MEIS2: variants seen among roughly 807,000 people sequenced by gnomAD.
The protein encoded by MEIS2 is homeobox protein Meis2.
MEIS2 carries 9 observed loss-of-function variants against 58.6 expected under a neutral mutation model. The ratio of observed to expected loss-of-function variants is 0.15; its 90% CI spans 0.09 to 0.27. MEIS2 has a LOEUF of 0.27. Among genes scored for constraint, MEIS2 ranks in the 10% least tolerant of loss-of-function variants. The pLI is 1.00. For synonymous variants in MEIS2, 221 were observed against 228.4 expected, an observed-to-expected ratio of 0.97 and a Z score of 0.29; for missense variants, 427 against 635.0, an observed-to-expected ratio of 0.67 and a Z score of 3.52.
intron 8 of MEIS2, among the ~76,000 whole-genome samples, chr15:37,024,056 C>T (rs910483802): frequency 1.3e-5 from 2 of 151,664 alleles, no homozygotes; most frequent in African/African-American, 2.4e-5. Flanking sequence ...ATTATAGGCA[C>T]CCAGCTAATT....
At chr15:37,039,271 A>G (rs1003674180) in intron 7 of MEIS2, among the ~76,000 whole-genome samples, 1 of 152,226 alleles carries the variant, frequency 6.6e-6, no homozygotes, top group African/African-American at 2.4e-5. Flanking sequence ...GTATGTATGG[A>G]ATAACTCTTC....
intron 8 of MEIS2, among the ~76,000 whole-genome samples, chr15:36,998,236 G>GTTTTTTTTT (rs5811954): frequency 1.5e-4 from 10 of 66,768 alleles, no homozygotes; most frequent in Non-Finnish European, 2.2e-4. Flanking sequence ...AAAACACAAA[G>GTTTTTTTTT]TTTTTTTTTT....
intron 8 of MEIS2, among the ~76,000 whole-genome samples, chr15:36,987,966 C>G (rs1396230011): frequency 1.3e-5 from 2 of 152,112 alleles, no homozygotes; most frequent in African/African-American, 4.8e-5. Flanking sequence ...TTTAGAAATG[C>G]TCATTCATGT....
chr15:37,061,421 A>G (rs1044379656), intron 7 of MEIS2, among the ~76,000 whole-genome samples: 5 of 152,188 alleles, frequency 3.3e-5, no homozygotes, highest in Non-Finnish European at 5.9e-5. Flanking sequence ...TAATCCATAA[A>G]ATACTATACA....
At chr15:36,965,408 A>G (rs1362212694) in intron 8 of MEIS2, among the ~76,000 whole-genome samples, 2 of 152,324 alleles carry the variant, frequency 1.3e-5, no homozygotes, top group African/African-American at 4.8e-5. Flanking sequence ...TGAATTTCTA[A>G]GGTATTTTAG....
chr15:37,096,611 G>A (rs1199400103), intron 2 of MEIS2, 181 bp from the exon 3 acceptor site: 2 of 649,892 alleles, frequency 3.1e-6, no homozygotes, highest in Non-Finnish European at 4.7e-6. Context: ...AAAGGGAAAA[G>A]GGCCTGGCCC....
intron 8 of MEIS2, among the ~76,000 whole-genome samples, chr15:36,978,322 C>T (rs1483832599): frequency 6.6e-6 from 1 of 152,170 alleles, no homozygotes; most frequent in African/African-American, 2.4e-5. Context: ...TTTACAGATG[C>T]AGAATCTGAG....
chr15:36,920,736 G>A (rs1015310830), intron 9 of MEIS2, among the ~76,000 whole-genome samples: 3 of 152,150 alleles, frequency 2.0e-5, no homozygotes, highest in African/African-American at 7.2e-5. Flanking sequence ...TATACTCTCT[G>A]AATCACCTGT....
At chr15:36,910,969 C>G (rs1007210107) in intron 9 of MEIS2, among the ~76,000 whole-genome samples, 1 of 144,584 alleles carries the variant, frequency 6.9e-6, no homozygotes, top group Non-Finnish European at 1.5e-5. Context: ...GGCTTGAGCC[C>G]GGGAGGCGGA....
intron 8 of MEIS2, among the ~76,000 whole-genome samples, chr15:36,955,425 C>G (rs2058923850): frequency 6.6e-6 from 1 of 152,116 alleles, no homozygotes; most frequent in African/African-American, 2.4e-5. Context: ...CCCATTCTTT[C>G]TCAGTGTCTC....
intron 7 of MEIS2, among the ~76,000 whole-genome samples, chr15:37,051,259 T>C (rs2062907401): frequency 6.6e-6 from 1 of 152,184 alleles, no homozygotes; most frequent in Non-Finnish European, 1.5e-5. Context: ...CTGTGGTATA[T>C]CCACACACTG....
At chr15:36,998,772 G>A (rs760357003) in intron 8 of MEIS2, among the ~76,000 whole-genome samples, 2 of 152,118 alleles carry the variant, frequency 1.3e-5, no homozygotes, top group Non-Finnish European at 1.5e-5. Context: ...GAGGGCTTCC[G>A]TATTACGCCA....
intron 9 of MEIS2, among the ~76,000 whole-genome samples, chr15:36,938,514 A>G (rs1404205873): frequency 6.6e-6 from 1 of 152,158 alleles, no homozygotes; most frequent in African/African-American, 2.4e-5. Flanking sequence ...AAAACCTGCC[A>G]CAGTTATAAC....
intron 7 of MEIS2, among the ~76,000 whole-genome samples, chr15:37,061,590 T>C (rs1262794930): frequency 6.6e-6 from 1 of 152,220 alleles, no homozygotes; most frequent in Non-Finnish European, 1.5e-5. Flanking sequence ...TTGCCATGTC[T>C]ACCTTGTTAA....
intron 9 of MEIS2, among the ~76,000 whole-genome samples, chr15:36,910,425 T>G (rs2055688887): frequency 1.3e-5 from 2 of 152,076 alleles, no homozygotes; most frequent in African/African-American, 2.4e-5. Flanking sequence ...GAGTGATATA[T>G]ATTACAGATC....
At chr15:37,081,327 AT>A (rs2141908265) in intron 7 of MEIS2, among the ~76,000 whole-genome samples, 1 of 152,210 alleles carries the variant, frequency 6.6e-6, no homozygotes, top group South Asian at 2.1e-4. Flanking sequence ...AAGGACATAA[AT>A]TTCTCTCCCA....
chr15:36,896,527 T>G, intron 10 of MEIS2, 101 bp downstream of exon 10: 1 of 902,722 alleles, frequency 1.1e-6, no homozygotes, highest in Non-Finnish European at 1.6e-6. Context: ...CCAGAATGCC[T>G]GGTGGAAGCA....
chr15:37,067,930 G>A (rs145698784), intron 7 of MEIS2, among the ~76,000 whole-genome samples: 1 of 152,142 alleles, frequency 6.6e-6, no homozygotes, highest in East Asian at 1.9e-4. Flanking sequence ...TAAAGCCGGT[G>A]GTCACATGCA....
At chr15:36,911,155 T>A (rs2057002541) in intron 9 of MEIS2, among the ~76,000 whole-genome samples, 1 of 152,098 alleles carries the variant, frequency 6.6e-6, no homozygotes, top group Admixed American at 6.5e-5. Flanking sequence ...ACTTTTCTCA[T>A]ATTTTTCCTA....
Sources: gnomAD v4.1 joint callset for allele counts (sites outside exome capture counted in the v4.1 genomes callset) on GRCh38, gnomAD v4.1.1 for gene constraint, MANE v1.5 for transcripts, NCBI Gene and HGNC (gene_info 2026-07-23, HGNC 2026-07-21) for gene names.